The following GRXCR2 variants were observed in gnomAD, a reference collection of about 807,000 sequenced individuals.
The protein encoded by GRXCR2 is glutaredoxin domain-containing cysteine-rich protein 2.
Under a neutral mutation model 24.8 loss-of-function variants are expected in GRXCR2, and 23 were observed. The ratio of observed to expected loss-of-function variants is 0.93; its 90% CI spans 0.67 to 1.32. The LOEUF (loss-of-function observed/expected upper bound fraction) is 1.32. Ranked by LOEUF, GRXCR2 falls within the 40% of genes most tolerant of loss-of-function variation. The pLI is 0.00. For synonymous variants in GRXCR2, 130 were observed against 116.1 expected (o/e 1.12, Z -0.77); for missense variants, 315 against 303.4 (o/e 1.04, Z -0.28).
upstream of GRXCR2, among the ~76,000 whole-genome samples, chr5:145,876,206 TATATATATATACAC>T (rs1219305276): frequency 8.5e-5 from 12 of 141,408 alleles, no homozygotes; most frequent in South Asian, 1.1e-3. Context: ...TATATATATA[TATATATATATACAC>T]ACACACACAC....
chr5:145,926,855 C>T (rs1388967406), intron 2 of GRXCR2, among the ~76,000 whole-genome samples: 1 of 152,200 alleles, frequency 6.6e-6, no homozygotes, highest in Admixed American at 6.5e-5. Flanking sequence ...TCTTCCTACC[C>T]ATGAGCATGG....
chr5:145,893,257 G>A (rs1756897388), intron 2 of GRXCR2, among the ~76,000 whole-genome samples: 1 of 152,134 alleles, frequency 6.6e-6, no homozygotes, highest in Non-Finnish European at 1.5e-5. Flanking sequence ...ACATCATAAT[G>A]ACAGGATCAG....
intron 2 of GRXCR2, among the ~76,000 whole-genome samples, chr5:145,908,787 G>T (rs1032327861): frequency 1.3e-5 from 2 of 152,172 alleles, no homozygotes; most frequent in African/African-American, 4.8e-5. Context: ...ATTCTAAAAT[G>T]CAGATTCCAA....
At chr5:145,903,041 C>T (rs568364851) in intron 2 of GRXCR2, among the ~76,000 whole-genome samples, 31 of 151,982 alleles carry the variant, frequency 2.0e-4, no homozygotes, top group Non-Finnish European at 4.0e-4. Flanking sequence ...TGATTTTTTG[C>T]CTTAGAACAA....
At position 145,911,887 on chromosome 5, in the gene GRXCR2, G is replaced by A. The variant is rs560390533; in HGVS notation, c.-70+23814C>T. Among the ~76,000 whole-genome samples, 13 of 152,262 alleles carry A rather than the reference G, an allele frequency of 8.5e-5. No homozygotes were observed. In the South Asian group the frequency reaches 2.3e-3, roughly 27 times the overall value. On this transcript the variant is annotated intron_variant, in intron 2 of 3. Coordinates refer to the GRXCR2 transcript ENST00000639411. Reference sequence around the variant, plus strand: ...AAGGATCACTTGAGTCTAGAAGTTCGAGACTAGCCTGGGAAACATAGTGAG... The same window carrying A: ...AAGGATCACTTGAGTCTAGAAGTTCAAGACTAGCCTGGGAAACATAGTGAG...
At chr5:145,885,098 T>C (rs1756759250) in intron 2 of GRXCR2, among the ~76,000 whole-genome samples, 1 of 49,994 alleles carries the variant, frequency 2.0e-5, no homozygotes, top group African/African-American at 9.7e-5. Flanking sequence ...TGTGTGTGTC[T>C]GTGTGTGTGT....
chr5:145,874,132 AC>A (rs1403926947), upstream of GRXCR2, among the ~76,000 whole-genome samples: 4 of 152,218 alleles, frequency 2.6e-5, no homozygotes, highest in African/African-American at 9.6e-5. Context: ...ATCACCATTT[AC>A]TGAGTTACCC....
At chr5:145,928,843 G>A (rs1013714088) in intron 2 of GRXCR2, among the ~76,000 whole-genome samples, 1 of 151,672 alleles carries the variant, frequency 6.6e-6, no homozygotes, top group Non-Finnish European at 1.5e-5. Flanking sequence ...CATGGCACAT[G>A]TATACATATA....
chr5:145,930,495 A>G (rs1174472498), intron 2 of GRXCR2, among the ~76,000 whole-genome samples: 1 of 152,210 alleles, frequency 6.6e-6, no homozygotes. Context: ...TTTCACCTTC[A>G]AATTGCAGCA....
chr5:145,910,984 T>G (rs1283301586), intron 2 of GRXCR2, among the ~76,000 whole-genome samples: 2 of 151,030 alleles, frequency 1.3e-5, no homozygotes, highest in South Asian at 2.1e-4. Context: ...GAGGCAGGGC[T>G]TCTTTTGTAT....
chr5:145,865,429 G>T (rs975045309), intron 2 of GRXCR2, among the ~76,000 whole-genome samples: 3 of 152,184 alleles, frequency 2.0e-5, no homozygotes, highest in African/African-American at 7.2e-5. Context: ...CTTCTAAGGG[G>T]TATGAGAGGA....
intron 2 of GRXCR2, among the ~76,000 whole-genome samples, chr5:145,894,087 A>G (rs1184687744): frequency 6.6e-6 from 1 of 152,234 alleles, no homozygotes; most frequent in African/African-American, 2.4e-5. Context: ...GAAACCAACG[A>G]GAACAAAGAC....
intron 2 of GRXCR2, among the ~76,000 whole-genome samples, chr5:145,914,934 T>C (rs1757216718): frequency 6.6e-6 from 1 of 152,192 alleles, no homozygotes; most frequent in African/African-American, 2.4e-5. Context: ...GAAGCAGAGG[T>C]TACTTTCAAA....
chr5:145,930,028 C>T (rs555515932), intron 2 of GRXCR2, among the ~76,000 whole-genome samples: 1 of 152,098 alleles, frequency 6.6e-6, no homozygotes, highest in Non-Finnish European at 1.5e-5. Context: ...TTTCTGATAA[C>T]ACCAAGGAGA....
At chr5:145,897,943 G>GCAGA (rs1756972676) in intron 2 of GRXCR2, among the ~76,000 whole-genome samples, 1 of 151,838 alleles carries the variant, frequency 6.6e-6, no homozygotes, top group Non-Finnish European at 1.5e-5. Context: ...CCCAAAGGTA[G>GCAGA]AGGAAGAAAA....
rs1175019028 is a variant in GRXCR2, at chr5:145,903,503, T to G, written c.-70+32198A>C. Among the ~76,000 whole-genome samples the G allele has an allele frequency of 2.7e-5, 4 of 145,738 alleles. No homozygotes were observed. In the East Asian group the frequency reaches 8.1e-4, roughly 30 times the overall value. On this transcript the variant is annotated intron_variant, in intron 2 of 3. Coordinates refer to the GRXCR2 transcript ENST00000639411. The stretch of plus-strand genomic sequence containing the variant: ...TGAAGTCACCAAAACATTGCAGCGC[T>G]GTGGAAAGAAGATTTGATTCAGAGT...
chr5:145,920,088 C>T (rs1158663928), intron 2 of GRXCR2, among the ~76,000 whole-genome samples: 1 of 152,068 alleles, frequency 6.6e-6, no homozygotes, highest in Non-Finnish European at 1.5e-5. Flanking sequence ...TAGAGTAGTG[C>T]TACAAAAATT....
intron 2 of GRXCR2, among the ~76,000 whole-genome samples, chr5:145,894,409 G>A (rs1301043231): frequency 2.0e-5 from 3 of 152,144 alleles, no homozygotes; most frequent in Non-Finnish European, 4.4e-5. Context: ...GAAGAAAAGA[G>A]AGAAGAATCA....
chr5:145,882,335 A>T (rs999140805), intron 2 of GRXCR2, among the ~76,000 whole-genome samples: 3 of 152,212 alleles, frequency 2.0e-5, no homozygotes, highest in Non-Finnish European at 4.4e-5. Context: ...AAAAAAACAA[A>T]CAACCCCATC....
Sources: allele counts gnomAD v4.1 joint callset (sites outside exome capture counted in the v4.1 genomes callset), GRCh38; gene constraint gnomAD v4.1.1; transcripts MANE v1.5; gene names NCBI Gene and HGNC (gene_info 2026-07-23, HGNC 2026-07-21).